UGT1A8: variants seen among roughly 807,000 people sequenced by gnomAD.
The protein encoded by UGT1A8 is UDP glucuronosyltransferase family 1 member A8, also known as UDP-glucuronosyltransferase 1A8.
UGT1A8 carries 39 observed loss-of-function variants against 45.3 expected under a neutral mutation model. The observed-to-expected ratio is 0.86, with a 90% confidence interval of 0.67 to 1.12. The LOEUF (loss-of-function observed/expected upper bound fraction) is 1.12, where lower values mean the gene tolerates loss of function less well. UGT1A8 is among the 50% of genes most tolerant of loss of function. The pLI, the probability that UGT1A8 is intolerant of heterozygous loss-of-function variation, is 0.00. For synonymous variants in UGT1A8, 275 were observed against 249.2 expected (o/e 1.10, Z -0.97); for missense variants, 719 against 664.9 (o/e 1.08, Z -0.90).
At chr2:233,628,182 T>C (rs1224307422) in intron 1 of UGT1A8, among the ~76,000 whole-genome samples, 3 of 152,074 alleles carry the variant, frequency 2.0e-5, no homozygotes, top group African/African-American at 7.2e-5. Context: ...AATGTTTGTG[T>C]GTGGTTTAAT....
chr2:233,618,051 GTT>G lies in UGT1A8; in HGVS notation c.350_351del (p.Phe117Ter). The G allele has an allele frequency of 2.5e-6, 4 of 1,613,936 alleles. No individual in the cohort carries two copies. Among genetic ancestry groups the G allele is most frequent in the Non-Finnish European group, 3.4e-6 (4 of 1,179,988 alleles). On this transcript the variant is annotated frameshift_variant, in exon 1 of 5. Coordinates refer to ENST00000373450, the MANE Select transcript of UGT1A8 (RefSeq NM_019076.5). LOFTEE classifies it high-confidence loss of function. ...TCTCTATTTCTGAGTTCATCCAATG[GTT>G]TTTTTAACTTATTTTTTTCGCATTG... is the stretch of plus-strand genomic sequence containing the variant.
chr2:233,675,661 G>A (rs1335617958), intron 1 of UGT1A8, among the ~76,000 whole-genome samples: 3 of 152,088 alleles, frequency 2.0e-5, no homozygotes, highest in Non-Finnish European at 4.4e-5. Context: ...CATACACAAT[G>A]GAGAGACTCA....
intron 1 of UGT1A8, among the ~76,000 whole-genome samples, chr2:233,705,064 A>G (rs2075819913): frequency 6.6e-6 from 1 of 151,184 alleles, no homozygotes; most frequent in South Asian, 2.1e-4. Flanking sequence ...TGAACCCGGG[A>G]GGCGGAGGTT....
rs28969704 is a variant in UGT1A8, at chr2:233,675,159, G to A, written c.855+56597G>A. 9.5e-3 allele frequency among the ~76,000 whole-genome samples: 1,439 copies of A among 152,124 alleles called. 34 individuals are homozygous for A. Among genetic ancestry groups the A allele is most frequent in the African/African-American group, 0.033 (1,355 of 41,488 alleles). On this transcript the variant is annotated intron_variant, in intron 1 of 4. Transcript: ENST00000373450. The stretch of plus-strand genomic sequence containing the variant: ...GGCTATCCAGGGGAATTACATCCAG[G>A]GATGTAATTAAATACTTTAACAAGG...
intron 1 of UGT1A8, among the ~76,000 whole-genome samples, chr2:233,744,790 T>C (rs989648069): frequency 6.6e-5 from 10 of 152,048 alleles, no homozygotes; most frequent in Admixed American, 2.6e-4. Flanking sequence ...TGAAAAATTC[T>C]TGGGGATCCC....
intron 1 of UGT1A8, among the ~76,000 whole-genome samples, chr2:233,623,272 G>C (rs2073041041): frequency 6.6e-6 from 1 of 152,120 alleles, no homozygotes; most frequent in Non-Finnish European, 1.5e-5. Flanking sequence ...GAAAGTCAAT[G>C]GTGGCTTGAT....
chr2:233,707,493 C>T (rs900860981), intron 1 of UGT1A8, among the ~76,000 whole-genome samples: 5 of 148,778 alleles, frequency 3.4e-5, no homozygotes, highest in African/African-American at 4.9e-5. Context: ...TTACCTGTTT[C>T]GGTACTTAAC....
chr2:233,768,215 C>T lies in UGT1A8; in HGVS notation c.1076-5C>T. The T allele has an allele frequency of 1.2e-6, 2 of 1,614,186 alleles. No individual in the cohort carries two copies. Among genetic ancestry groups the T allele is most frequent in the Admixed American group, 3.3e-5 (2 of 60,020 alleles). On this transcript the variant is annotated splice_polypyrimidine_tract_variant and splice_region_variant and intron_variant, in intron 3 of 4. Coordinates refer to ENST00000373450, the MANE Select transcript of UGT1A8 (RefSeq NM_019076.5). Reference sequence around the variant, plus strand: ...TGCTGACATCCTCCCTATTTTGCATCTCAGGTCACCCGATGACCCGTGCCT... The same window carrying T: ...TGCTGACATCCTCCCTATTTTGCATTTCAGGTCACCCGATGACCCGTGCCT...
chr2:233,702,215 T>C (rs1034307572), intron 1 of UGT1A8, among the ~76,000 whole-genome samples: 6 of 152,218 alleles, frequency 3.9e-5, no homozygotes, highest in Non-Finnish European at 7.4e-5. Flanking sequence ...ATCAACTTTC[T>C]GTCCTTATGA....
At chr2:233,671,453 TAGG>T (rs2074188782) in intron 1 of UGT1A8, among the ~76,000 whole-genome samples, 1 of 152,142 alleles carries the variant, frequency 6.6e-6, no homozygotes, top group Non-Finnish European at 1.5e-5. Flanking sequence ...TTTAGGAGGT[TAGG>T]AGGTCAGTGC....
intron 1 of UGT1A8, chr2:233,690,788 C>T (rs1272756099): frequency 8.7e-7 from 1 of 1,145,542 alleles, no homozygotes; most frequent in African/African-American, 1.7e-5. Context: ...CACACACACA[C>T]ACACACACAC....
intron 1 of UGT1A8, among the ~76,000 whole-genome samples, chr2:233,639,444 G>T (rs1390679597): frequency 6.6e-6 from 1 of 152,196 alleles, no homozygotes; most frequent in African/African-American, 2.4e-5. Context: ...GATGAACACT[G>T]CATATTGCTC....
chr2:233,621,902 C>T (rs1332591724), intron 1 of UGT1A8, among the ~76,000 whole-genome samples: 1 of 152,088 alleles, frequency 6.6e-6, no homozygotes, highest in Non-Finnish European at 1.5e-5. Context: ...CATGACAGGC[C>T]CCAGTGTGCG....
At chr2:233,751,762 G>A (rs888611090) in intron 1 of UGT1A8, among the ~76,000 whole-genome samples, 16 of 152,160 alleles carry the variant, frequency 1.1e-4, no homozygotes, top group Non-Finnish European at 2.1e-4. Context: ...TGCCATGTGA[G>A]ACATGACTTT....
chr2:233,631,647 T>C (rs2073188397), intron 1 of UGT1A8, among the ~76,000 whole-genome samples: 1 of 152,232 alleles, frequency 6.6e-6, no homozygotes, highest in Admixed American at 6.5e-5. Flanking sequence ...TTTTGTGAAG[T>C]GTCTGTTCAT....
intron 1 of UGT1A8, chr2:233,729,268 T>G (rs760988573): frequency 3.1e-5 from 50 of 1,613,984 alleles, no homozygotes; most frequent in Non-Finnish European, 3.5e-5. Context: ...GCGGGAGGTC[T>G]TGCGGGAGCT....
intron 1 of UGT1A8, chr2:233,755,051 C>T (rs779353656): frequency 7.5e-6 from 10 of 1,331,260 alleles, no homozygotes; most frequent in East Asian, 4.6e-5. Context: ...AGCCGCCCTC[C>T]GCCCTCGCCT....
At chr2:233,625,578 TG>T (rs2073073834) in intron 1 of UGT1A8, among the ~76,000 whole-genome samples, 1 of 151,902 alleles carries the variant, frequency 6.6e-6, no homozygotes, top group South Asian at 2.1e-4. Flanking sequence ...GAAGAAAATG[TG>T]GTACATATAC....
intron 1 of UGT1A8, chr2:233,636,320 T>A (rs1221930676): frequency 1.3e-5 from 12 of 903,872 alleles, no homozygotes; most frequent in Non-Finnish European, 1.9e-5. Flanking sequence ...CTGGAAATCA[T>A]ACAAGTAGGT....
Sources: allele counts gnomAD v4.1 joint callset (sites outside exome capture counted in the v4.1 genomes callset), GRCh38; gene constraint gnomAD v4.1.1; transcripts MANE v1.5; gene names NCBI Gene and HGNC (gene_info 2026-07-23, HGNC 2026-07-21).